Variants in NRXN3 observed in about 807,000 individuals in gnomAD.
NRXN3 encodes the protein neurexin III.
A neutral mutation model predicts 137.6 loss-of-function variants in NRXN3; 32 were observed. The ratio of observed to expected loss-of-function variants is 0.23; its 90% CI spans 0.18 to 0.31. The LOEUF (loss-of-function observed/expected upper bound fraction) is 0.31. Among genes scored for constraint, NRXN3 ranks in the 10% least tolerant of loss-of-function variants. The pLI is 1.00. For missense variants in NRXN3, 1,574 were observed against 2,062.5 expected (o/e 0.76, Z 4.59); for synonymous variants, 798 against 784.5 (o/e 1.02, Z -0.29).
At chr14:78,639,877 A>G (rs1463466560) in intron 4 of NRXN3, among the ~76,000 whole-genome samples, 1 of 152,208 alleles carries the variant, frequency 6.6e-6, no homozygotes, top group Non-Finnish European at 1.5e-5. Flanking sequence ...GACCTCACAG[A>G]ACATTGAGAG....
chr14:79,593,545 G>C (rs1160803334), intron 16 of NRXN3, among the ~76,000 whole-genome samples: 2 of 150,866 alleles, frequency 1.3e-5, no homozygotes, highest in East Asian at 3.9e-4. Flanking sequence ...GCGGGAGAAT[G>C]GCGTGAACCC....
intron 15 of NRXN3, chr14:79,314,166 A>G (rs1473327422): frequency 2.0e-4 from 30 of 146,826 alleles, no homozygotes; most frequent in African/African-American, 7.3e-4. Flanking sequence ...GGTTCATCTC[A>G]CTAGGGAGTG....
chr14:78,443,309 G>A (rs2094317240), intron 4 of NRXN3, among the ~76,000 whole-genome samples: 1 of 152,144 alleles, frequency 6.6e-6, no homozygotes, highest in African/African-American at 2.4e-5. Context: ...TTGATCCTCT[G>A]TTATTGTTTG....
At chr14:78,918,119 C>T (rs1209888867) in intron 10 of NRXN3, among the ~76,000 whole-genome samples, 1 of 151,184 alleles carries the variant, frequency 6.6e-6, no homozygotes, top group African/African-American at 2.4e-5. Flanking sequence ...AACCTCGTCT[C>T]TACTAAAAAT....
intron 19 of NRXN3, among the ~76,000 whole-genome samples, chr14:79,731,062 C>T (rs1429595852): frequency 6.6e-6 from 1 of 152,190 alleles, no homozygotes; most frequent in Non-Finnish European, 1.5e-5. Context: ...CAGGAAGACA[C>T]TGCGGGTTGC....
In NRXN3 at chr14:79,733,293, C is replaced by T. The variant is rs1005660943; in HGVS notation, c.4014+35356C>T. ...AAAATCTGCCTACCATTTAACAGCC[C>T]GCAATACAAAAATCTTACTGTGTCA... On this transcript the variant is annotated intron_variant, in intron 19 of 20. Transcript: ENST00000335750. 3.9e-5 allele frequency among the ~76,000 whole-genome samples: 6 copies of T among 152,090 alleles called. 1 individual carries two copies. Among genetic ancestry groups the T allele is most frequent in the South Asian group, 4.1e-4 (2 of 4,822 alleles).
At chr14:78,620,910 G>A (rs1473404266) in intron 4 of NRXN3, among the ~76,000 whole-genome samples, 2 of 152,132 alleles carry the variant, frequency 1.3e-5, no homozygotes, top group African/African-American at 4.8e-5. Flanking sequence ...CAACTACCCA[G>A]GAAGGACCAA....
chr14:79,491,812 C>A (rs754455216), intron 16 of NRXN3, among the ~76,000 whole-genome samples: 3 of 152,080 alleles, frequency 2.0e-5, no homozygotes, highest in Non-Finnish European at 4.4e-5. Flanking sequence ...ATAGTAAATT[C>A]AGTTACAGTA....
chr14:79,700,935 T>C (rs1400173759), intron 19 of NRXN3, among the ~76,000 whole-genome samples: 1 of 152,092 alleles, frequency 6.6e-6, no homozygotes, highest in South Asian at 2.1e-4. Flanking sequence ...AGATGTGCAT[T>C]GAGAAAGCAG....
intron 15 of NRXN3, among the ~76,000 whole-genome samples, chr14:79,204,853 G>C (rs565808843): frequency 4.6e-5 from 7 of 152,256 alleles, no homozygotes; most frequent in African/African-American, 1.7e-4. Flanking sequence ...TTTTTGGACA[G>C]TACTGAAAGT....
chr14:78,204,900 TC>T (rs11288223), intron 1 of NRXN3, among the ~76,000 whole-genome samples: 30,338 of 152,174 alleles, frequency 0.2, 3,799 homozygotes, highest in Non-Finnish European at 0.27. Context: ...CTTTTCACGT[TC>T]TTTGAGGTTT....
intron 4 of NRXN3, among the ~76,000 whole-genome samples, chr14:78,624,897 A>G (rs2097441729): frequency 6.6e-6 from 1 of 152,020 alleles, no homozygotes; most frequent in Non-Finnish European, 1.5e-5. Flanking sequence ...GCTGGAGTGC[A>G]GTGGTGCGAT....
chr14:79,079,134 A>AT (rs2046464726), intron 15 of NRXN3, among the ~76,000 whole-genome samples: 1 of 152,186 alleles, frequency 6.6e-6, no homozygotes, highest in African/African-American at 2.4e-5. Flanking sequence ...TGGTACCTGT[A>AT]TTCAGTTTCA....
chr14:79,725,562 G>A lies in NRXN3; in HGVS notation c.4014+27625G>A, dbSNP rs576601748. Among the ~76,000 whole-genome samples, 9 of 152,176 alleles carry A rather than the reference G, an allele frequency of 5.9e-5. No individual in the cohort carries two copies. The East Asian group carries it at 9.7e-4, about 16-fold the overall frequency. On this transcript the variant is annotated intron_variant, in intron 19 of 20. Coordinates refer to ENST00000335750, the MANE Select transcript of NRXN3 (RefSeq NM_001330195.2). ...AACTTGCAAATGTGGAAGTTGGGCCGGGCTAGGTTATGTTCCGCTCTAACC... is the reference window on the plus strand; with the variant it reads ...AACTTGCAAATGTGGAAGTTGGGCCAGGCTAGGTTATGTTCCGCTCTAACC...
chr14:78,335,089 C>A (rs760398924), intron 4 of NRXN3, among the ~76,000 whole-genome samples: 2 of 152,144 alleles, frequency 1.3e-5, no homozygotes, highest in Non-Finnish European at 2.9e-5. Context: ...GTTTCAAGCC[C>A]ACCCTTACCC....
chr14:79,234,917 CAA>C (rs1357691965), intron 15 of NRXN3, among the ~76,000 whole-genome samples: 1 of 152,060 alleles, frequency 6.6e-6, no homozygotes, highest in Non-Finnish European at 1.5e-5. Context: ...TCTAACTAAA[CAA>C]GAGTGTTTAT....
chr14:78,688,269 C>T (rs900514140), intron 6 of NRXN3, among the ~76,000 whole-genome samples: 1 of 151,982 alleles, frequency 6.6e-6, no homozygotes, highest in Non-Finnish European at 1.5e-5. Context: ...CATGAGGGCT[C>T]TCAACAGGTA....
intron 20 of NRXN3, among the ~76,000 whole-genome samples, chr14:79,846,618 C>T (rs1423760930): frequency 3.3e-5 from 5 of 152,068 alleles, no homozygotes; most frequent in African/African-American, 1.2e-4. Flanking sequence ...AATCTTTTTT[C>T]CTTACATTCA....
At chr14:79,729,241 G>GA (rs1425380508) in intron 19 of NRXN3, among the ~76,000 whole-genome samples, 1 of 152,176 alleles carries the variant, frequency 6.6e-6, no homozygotes, top group Non-Finnish European at 1.5e-5. Flanking sequence ...TTCTTTAGGG[G>GA]AAAATCAAGA....
Sources: allele counts gnomAD v4.1 joint callset (sites outside exome capture counted in the v4.1 genomes callset), GRCh38; gene constraint gnomAD v4.1.1; transcripts MANE v1.5; gene names NCBI Gene and HGNC (gene_info 2026-07-23, HGNC 2026-07-21).